CALD1: variants seen among roughly 807,000 people sequenced by gnomAD.
The protein encoded by CALD1 is caldesmon.
In CALD1, 33 loss-of-function variants were observed where a neutral mutation model predicts 99.9. The ratio of observed to expected loss-of-function variants is 0.33; its 90% CI spans 0.25 to 0.44. The LOEUF is 0.44. Among genes scored for constraint, CALD1 ranks in the 20% least tolerant of loss-of-function variants. The probability of loss-of-function intolerance (pLI) is 1.00; values close to 1 mark genes in which losing one functional copy is unlikely to be tolerated. For synonymous variants in CALD1, 310 were observed against 325.0 expected (o/e 0.95, Z 0.50); for missense variants, 861 against 962.1 (o/e 0.89, Z 1.39).
chr7:134,943,627 G>T (rs553959070), intron 7 of CALD1, among the ~76,000 whole-genome samples: 1 of 151,578 alleles, frequency 6.6e-6, no homozygotes, highest in Admixed American at 6.6e-5. Context: ...GATTTTTTCC[G>T]ATTATAGAAA....
chr7:134,949,363 A>G (rs1297672965), intron 8 of CALD1, among the ~76,000 whole-genome samples: 2 of 152,072 alleles, frequency 1.3e-5, no homozygotes, highest in Non-Finnish European at 2.9e-5. Context: ...AAGAACTACC[A>G]AAGACTGCAT....
the CALD1 span, among the ~76,000 whole-genome samples, chr7:134,733,618 C>A: frequency 6.6e-6 from 1 of 151,842 alleles, no homozygotes; most frequent in Non-Finnish European, 1.5e-5. Context: ...ACCATCCTGG[C>A]TAACATGGTG....
chr7:134,862,206 ACTT>A (rs1028672549), intron 2 of CALD1, among the ~76,000 whole-genome samples: 3 of 152,180 alleles, frequency 2.0e-5, no homozygotes, highest in Non-Finnish European at 2.9e-5. Flanking sequence ...TCCTCTCAGA[ACTT>A]CTTTGGGGCA....
chr7:134,961,494 C>T (rs1451944231), intron 13 of CALD1: 1 of 152,206 alleles, frequency 6.6e-6, no homozygotes, highest in South Asian at 2.1e-4. Flanking sequence ...CCATTGGCTC[C>T]ATGCCATTTA....
intron 7 of CALD1, among the ~76,000 whole-genome samples, chr7:134,947,227 C>T (rs1416204016): frequency 6.6e-6 from 1 of 151,974 alleles, no homozygotes; most frequent in Non-Finnish European, 1.5e-5. Flanking sequence ...TTTTGAGGAA[C>T]CTCCATACTG....
In CALD1 at chr7:134,952,124, A is replaced by G. The variant is rs114621410; in HGVS notation, c.1935+1610A>G. On this transcript the variant is annotated intron_variant, in intron 9 of 14. Coordinates refer to ENST00000361675, the MANE Select transcript of CALD1 (RefSeq NM_033138.4). ...TAGACCTTCCTGGCCAATCTGGTGAAACCCCATCCCTACTAAAAATACAAA... is the reference window on the plus strand; with the variant it reads ...TAGACCTTCCTGGCCAATCTGGTGAGACCCCATCCCTACTAAAAATACAAA... Among the ~76,000 whole-genome samples, 574 of 152,138 alleles carry G rather than the reference A, an allele frequency of 3.8e-3. 1 individual carries two copies. The highest frequency in any genetic ancestry group is 0.013 in the African/African-American group (546 of 41,530).
chr7:134,766,128 C>T (rs1445900641), intron 1 of CALD1, among the ~76,000 whole-genome samples: 1 of 148,648 alleles, frequency 6.7e-6, no homozygotes, highest in African/African-American at 2.5e-5. Context: ...GCCCCTTAAA[C>T]CTCTTTTCTT....
chr7:134,756,997 T>G (rs1198476852), intron 1 of CALD1, among the ~76,000 whole-genome samples: 1 of 152,234 alleles, frequency 6.6e-6, no homozygotes, highest in Non-Finnish European at 1.5e-5. Context: ...TTTGCTTCAT[T>G]CAGAGTAGCT....
chr7:134,738,972 T>G, the CALD1 span, among the ~76,000 whole-genome samples: 1 of 152,198 alleles, frequency 6.6e-6, no homozygotes, highest in African/African-American at 2.4e-5. Flanking sequence ...TGTGCAAGTG[T>G]TTTTATTTAT....
intron 1 of CALD1, among the ~76,000 whole-genome samples, chr7:134,802,454 G>A (rs912477706): frequency 1.5e-4 from 23 of 152,192 alleles, no homozygotes; most frequent in African/African-American, 4.6e-4. Context: ...TACATAACTT[G>A]TTTTCCATTG....
chr7:134,819,388 A>G (rs146752489), intron 1 of CALD1, among the ~76,000 whole-genome samples: 219 of 152,244 alleles, frequency 1.4e-3, no homozygotes, highest in Admixed American at 2.2e-3. Flanking sequence ...TTATCACACC[A>G]CATTGTAATA....
chr7:134,965,660 C>T (rs775881236), intron 14 of CALD1, among the ~76,000 whole-genome samples: 11 of 152,038 alleles, frequency 7.2e-5, no homozygotes, highest in Admixed American at 2.0e-4. Flanking sequence ...AGCAGAAGGC[C>T]GTATGGGATA....
chr7:134,716,890 G>C, the CALD1 span, among the ~76,000 whole-genome samples: 2 of 152,136 alleles, frequency 1.3e-5, no homozygotes, highest in Non-Finnish European at 2.9e-5. Context: ...GAAATCACTG[G>C]TCTTCGATTT....
rs1012954080 is a variant in CALD1, at chr7:134,814,181, C to G, written c.-129-29703C>G. Among the ~76,000 whole-genome samples the G allele has an allele frequency of 3.3e-5, 5 of 152,218 alleles. No homozygotes were observed. In the Middle Eastern group the frequency reaches 0.014, roughly 414 times the overall value. On this transcript the variant is annotated intron_variant, in intron 1 of 14. Coordinates refer to ENST00000361675, the MANE Select transcript of CALD1 (RefSeq NM_033138.4). ...GGAGACAATTGCGTCTACTTCCAGG[C>G]TCTGTGATACAAAGGGTATGGAAGC...
intron 1 of CALD1, among the ~76,000 whole-genome samples, chr7:134,843,212 C>T (rs564809289): frequency 2.0e-5 from 3 of 152,252 alleles, no homozygotes; most frequent in East Asian, 1.9e-4. Context: ...ATCTGTGTGT[C>T]GGGCACTGCA....
chr7:134,756,089 C>G (rs79697234), intron 1 of CALD1, among the ~76,000 whole-genome samples: 4 of 151,836 alleles, frequency 2.6e-5, no homozygotes, highest in Non-Finnish European at 5.9e-5. Flanking sequence ...CAGGGTTTCA[C>G]TATGTTGGCC....
chr7:134,731,579 T>C, the CALD1 span, among the ~76,000 whole-genome samples: 3 of 152,228 alleles, frequency 2.0e-5, no homozygotes, highest in Admixed American at 6.5e-5. Context: ...TGTCCCGCTA[T>C]GAAATTCTCA....
At chr7:134,749,690 A>C (rs1040698098) in intron 1 of CALD1, among the ~76,000 whole-genome samples, 2 of 152,156 alleles carry the variant, frequency 1.3e-5, no homozygotes, top group Non-Finnish European at 2.9e-5. Context: ...GTCAAGATGC[A>C]CCTGGAGCCA....
the CALD1 span, among the ~76,000 whole-genome samples, chr7:134,728,159 G>T: frequency 6.8e-3 from 4 of 590 alleles, no homozygotes; most frequent in South Asian, 0.083. Flanking sequence ...AGAGAATGAC[G>T]TTGAGCCTAT....
Sources: gnomAD v4.1 joint callset for allele counts (sites outside exome capture counted in the v4.1 genomes callset) on GRCh38, gnomAD v4.1.1 for gene constraint, MANE v1.5 for transcripts, NCBI Gene and HGNC (gene_info 2026-07-23, HGNC 2026-07-21) for gene names.